Variants in CDC42BPA observed in about 807,000 individuals in gnomAD.
CDC42BPA encodes serine/threonine-protein kinase MRCK alpha.
In CDC42BPA, 80 loss-of-function variants were observed where a neutral mutation model predicts 223.5. The ratio of observed to expected loss-of-function variants is 0.36; its 90% CI spans 0.30 to 0.43. CDC42BPA has a LOEUF of 0.43. Ranked by LOEUF, CDC42BPA falls within the 20% of genes least tolerant of loss-of-function variation. The pLI is 1.00. For synonymous variants in CDC42BPA, 694 were observed against 718.6 expected (o/e 0.97, Z 0.55); for missense variants, 1,743 against 2,099.9 (o/e 0.83, Z 3.32).
intron 2 of CDC42BPA, among the ~76,000 whole-genome samples, chr1:227,230,669 C>T (rs1677681004): frequency 6.6e-6 from 1 of 151,816 alleles, no homozygotes; most frequent in Admixed American, 6.6e-5. Context: ...TAAGATGATC[C>T]CTTAACTGAA....
chr1:227,129,191 A>G lies in CDC42BPA; in HGVS notation c.1431T>C (p.Val477=). Residue 477 remains valine, a synonymous_variant, in exon 11 of 37, where the codon GTT becomes GTC. Transcript: ENST00000366766. ...CTTTGCTTGCTGTTAGTGGACCATC[A>G]ACAGTTGAATACTGCAGAGCTTGGA... ...QTVQALQYST[V]DGPLTASKDL... 6.3e-7 allele frequency: 1 copy of G among 1,597,860 alleles called. No homozygotes were observed. Among genetic ancestry groups the G allele is most frequent in the Non-Finnish European group, 8.6e-7 (1 of 1,168,824 alleles).
chr1:227,231,343 T>C (rs1558822803), intron 2 of CDC42BPA, among the ~76,000 whole-genome samples: 1 of 152,146 alleles, frequency 6.6e-6, no homozygotes, highest in African/African-American at 2.4e-5. Flanking sequence ...TAGTATTCCA[T>C]GGTGTATACG....
intron 15 of CDC42BPA, among the ~76,000 whole-genome samples, chr1:227,095,717 G>C (rs186623406): frequency 4.0e-5 from 6 of 151,644 alleles, no homozygotes; most frequent in African/African-American, 1.5e-4. Flanking sequence ...TCAGCCTCTG[G>C]AGTAGCTGGG....
intron 3 of CDC42BPA, among the ~76,000 whole-genome samples, chr1:227,209,183 T>C (rs943390043): frequency 3.5e-5 from 5 of 143,998 alleles, no homozygotes; most frequent in African/African-American, 1.3e-4. Context: ...ATAAGAATGC[T>C]TGTGATTTTT....
chr1:227,317,380 T>C lies in CDC42BPA; in HGVS notation c.-198A>G, dbSNP rs1694573142. 5 of 497,072 alleles carry C rather than the reference T, an allele frequency of 1.0e-5. No homozygotes were observed. Among genetic ancestry groups the C allele is most frequent in the Non-Finnish European group, 1.4e-5 (4 of 287,606 alleles). The allele number at this position is 497,072 out of a possible 1,614,324, so 30.8% of individuals were successfully genotyped here. Reference sequence around the variant, plus strand: ...ACTGAAGCGTCTTCAATTTCACCCATATACATATATTTTGAGGGTAAATTA... The same window carrying C: ...ACTGAAGCGTCTTCAATTTCACCCACATACATATATTTTGAGGGTAAATTA... On this transcript the variant is annotated 5_prime_UTR_variant, in exon 1 of 37. It adds an upstream start codon to the 5' untranslated region. Coordinates refer to ENST00000366766, the MANE Select transcript of CDC42BPA (RefSeq NM_001394014.1).
In CDC42BPA at chr1:227,229,008, A is replaced by G. The variant is rs530811145; in HGVS notation, c.271-15789T>C. 3.9e-5 allele frequency among the ~76,000 whole-genome samples: 6 copies of G among 152,282 alleles called. No individual in the cohort carries two copies. The South Asian group carries it at 6.2e-4, about 16-fold the overall frequency. Reference sequence around the variant, plus strand: ...CCCTGATGGTGTTTTTTGGAGGCACAAAAGTTTTAAACTCTGATGAAATCT... The same window carrying G: ...CCCTGATGGTGTTTTTTGGAGGCACGAAAGTTTTAAACTCTGATGAAATCT... On this transcript the variant is annotated intron_variant, in intron 2 of 36. Coordinates refer to ENST00000366766, the MANE Select transcript of CDC42BPA (RefSeq NM_001394014.1).
At chr1:227,158,656 T>C (rs1035592609) in intron 6 of CDC42BPA, among the ~76,000 whole-genome samples, 3 of 152,170 alleles carry the variant, frequency 2.0e-5, no homozygotes, top group African/African-American at 7.2e-5. Flanking sequence ...GAGTAGGTCT[T>C]AGGTGATACA....
intron 23 of CDC42BPA, among the ~76,000 whole-genome samples, chr1:227,041,073 G>A (rs1451458561): frequency 1.3e-5 from 2 of 152,136 alleles, no homozygotes; most frequent in South Asian, 2.1e-4. Context: ...TCTACCTAAC[G>A]GAGTGGTTAA....
intron 11 of CDC42BPA, among the ~76,000 whole-genome samples, chr1:227,126,218 C>G (rs1039924269): frequency 3.3e-5 from 5 of 152,148 alleles, no homozygotes; most frequent in Non-Finnish European, 7.3e-5. Context: ...GCCTGCACTC[C>G]CTGACCTCCA....
At chr1:227,099,465 A>G (rs1684606592) in intron 15 of CDC42BPA, among the ~76,000 whole-genome samples, 2 of 151,942 alleles carry the variant, frequency 1.3e-5, no homozygotes, top group African/African-American at 4.8e-5. Flanking sequence ...CTTGTATATA[A>G]TCATATAACA....
chr1:227,105,026 AT>A (rs1004303515), intron 14 of CDC42BPA, among the ~76,000 whole-genome samples: 5 of 152,184 alleles, frequency 3.3e-5, no homozygotes, highest in East Asian at 1.9e-4. Context: ...TTCTTTAAAA[AT>A]TTTTTTTATT....
chr1:227,283,430 T>C (rs1334147930), intron 1 of CDC42BPA, among the ~76,000 whole-genome samples: 1 of 152,200 alleles, frequency 6.6e-6, no homozygotes, highest in Non-Finnish European at 1.5e-5. Context: ...TATAAAATTT[T>C]ATCATAATCA....
chr1:227,246,246 G>C (rs987362533), intron 2 of CDC42BPA, among the ~76,000 whole-genome samples: 1 of 152,178 alleles, frequency 6.6e-6, no homozygotes, highest in Non-Finnish European at 1.5e-5. Context: ...GAGAAGAGCG[G>C]GAAGAACTTT....
At chr1:227,003,762 G>C (rs1663401437) in intron 35 of CDC42BPA, among the ~76,000 whole-genome samples, 1 of 152,054 alleles carries the variant, frequency 6.6e-6, no homozygotes, top group African/African-American at 2.4e-5. Flanking sequence ...TGGTCCCTTA[G>C]CTCAAGGTTC....
intron 2 of CDC42BPA, among the ~76,000 whole-genome samples, chr1:227,233,709 G>C (rs1678464347): frequency 6.6e-6 from 1 of 152,160 alleles, no homozygotes; most frequent in African/African-American, 2.4e-5. Context: ...GAGGTGGGCA[G>C]ATCACCTGAG....
At chr1:227,274,090 A>G (rs1166589674) in intron 1 of CDC42BPA, among the ~76,000 whole-genome samples, 1 of 151,070 alleles carries the variant, frequency 6.6e-6, no homozygotes, top group African/African-American at 2.4e-5. Flanking sequence ...GGAATTACAT[A>G]TATTTGGGTT....
intron 23 of CDC42BPA, among the ~76,000 whole-genome samples, chr1:227,045,400 A>C (rs767367481): frequency 6.6e-6 from 1 of 152,196 alleles, no homozygotes; most frequent in Non-Finnish European, 1.5e-5. Context: ...AAAAAGTTCT[A>C]TCTTTGGTAT....
chr1:227,246,123 A>G (rs887176786), intron 2 of CDC42BPA, among the ~76,000 whole-genome samples: 1 of 152,132 alleles, frequency 6.6e-6, no homozygotes, highest in African/African-American at 2.4e-5. Context: ...AGCTGATGAA[A>G]GAGCTCTTGG....
At chr1:226,999,326 G>A (rs1447891721) in intron 35 of CDC42BPA, among the ~76,000 whole-genome samples, 7 of 151,962 alleles carry the variant, frequency 4.6e-5, no homozygotes, top group Non-Finnish European at 8.8e-5. Context: ...ACAGGCGCCC[G>A]CCACCATGCC....
Sources: allele counts gnomAD v4.1 joint callset (sites outside exome capture counted in the v4.1 genomes callset), GRCh38; gene constraint gnomAD v4.1.1; transcripts MANE v1.5; gene names NCBI Gene and HGNC (gene_info 2026-07-23, HGNC 2026-07-21).